ZHX3: variants seen among roughly 807,000 people sequenced by gnomAD.
ZHX3 encodes the protein zinc fingers and homeoboxes 3.
Under a neutral mutation model 64.5 loss-of-function variants are expected in ZHX3, and 20 were observed. The ratio of observed to expected loss-of-function variants is 0.31; its 90% CI spans 0.22 to 0.45. ZHX3 has a LOEUF of 0.45. Ranked by LOEUF, ZHX3 falls within the 20% of genes least tolerant of loss-of-function variation. ZHX3 has a pLI of 1.00. For missense variants in ZHX3, 1,041 were observed against 1,195.8 expected (o/e 0.87, Z 1.91); for synonymous variants, 423 against 461.6 (o/e 0.92, Z 1.07).
chr20:41,183,171 ATATG>A lies in ZHX3; in HGVS notation c.*2016_*2019del, dbSNP rs1404227537. 8.8e-5 allele frequency: 13 copies of A among 147,194 alleles called. No individual in the cohort carries two copies. Among genetic ancestry groups the A allele is most frequent in the East Asian group, 3.9e-4 (2 of 5,190 alleles). 9.1% of individuals were successfully genotyped at this position (147,194 alleles called of 1,614,324 possible). A position where few individuals can be genotyped will look rare whatever the true frequency, so the allele number is the denominator to read the frequency against. On this transcript the variant is annotated 3_prime_UTR_variant, in exon 4 of 4. Coordinates refer to ENST00000683867, the MANE Select transcript of ZHX3 (RefSeq NM_001384317.1). This position sits in a 1 kb window ranked among gnomAD's most constrained non-coding sequence, Gnocchi z 5.3. ...AGAATCAAATGAGTATTTATACTGT[ATATG>A]TGTGTGTGTATATATATATATATAA...
Position 41,184,947 on chromosome 20 carries a change from A to G in ZHX3, c.*244T>C, listed in dbSNP as rs1198902181. 1.2e-5 allele frequency: 19 copies of G among 1,544,762 alleles called. No individual in the cohort carries two copies. The highest frequency in any genetic ancestry group is 1.7e-5 in the Non-Finnish European group (19 of 1,146,932). ...TATTTTATCCATTGGAAGGTAAAGG[A>G]AAGGTCCTACATTGTGGGAGGAAGA... On this transcript the variant is annotated 3_prime_UTR_variant, in exon 4 of 4. Coordinates refer to ENST00000683867, the MANE Select transcript of ZHX3 (RefSeq NM_001384317.1).
rs142530925 is a variant in ZHX3, at chr20:41,303,085, C to T, written c.-245+14424G>A. Among the ~76,000 whole-genome samples, 1,075 of 152,340 alleles carry T rather than the reference C, an allele frequency of 7.1e-3. 8 individuals carry two copies. The highest frequency in any genetic ancestry group is 9.1e-3 in the Non-Finnish European group (617 of 68,030). On this transcript the variant is annotated intron_variant, in intron 1 of 3. Transcript: ENST00000683867. ...CTCATTTGACACACTTTCATCAATA[C>T]TATTGTTATTAACAATTCACAAATG...
rs1304906269 is a variant in ZHX3 at position 41,203,564 on chromosome 20, G to A, written c.1353C>T (p.Pro451=). ...TAATGGGTGCCACACCTGGCTGCTT[G>A]GGGACGGATGTCACCGTGAGGGGGA... is the stretch of plus-strand genomic sequence containing the variant. ...SPLPLTVTSV[P]KQPGVAPINT... is the part of the protein sequence containing the mutation. The change falls in exon 3 of 4, where the codon CCC becomes CCT. Residue 451 remains proline, a synonymous_variant. Coordinates refer to ENST00000683867, the MANE Select transcript of ZHX3 (RefSeq NM_001384317.1). This position sits in a 1 kb window ranked among gnomAD's most constrained non-coding sequence, Gnocchi z 7.1. The A allele has an allele frequency of 1.9e-6, 3 of 1,614,068 alleles. No homozygotes were observed. In the African/African-American group the frequency reaches 4.0e-5, roughly 22 times the overall value.
At chr20:41,246,973 G>A (rs564349401) in intron 2 of ZHX3, among the ~76,000 whole-genome samples, 1 of 152,098 alleles carries the variant, frequency 6.6e-6, no homozygotes, top group East Asian at 1.9e-4. Flanking sequence ...TAAAGAGTAT[G>A]TATATGGCTG....
At chr20:41,253,749 A>T (rs183472399) in intron 2 of ZHX3, among the ~76,000 whole-genome samples, 2 of 152,264 alleles carry the variant, frequency 1.3e-5, no homozygotes, top group African/African-American at 4.8e-5. Flanking sequence ...ATAAACAAAT[A>T]ATTACCTCTA....
At chr20:41,198,372 G>GAAACTTGAAGCCATAA (rs2037939786) in intron 3 of ZHX3, among the ~76,000 whole-genome samples, 2 of 152,032 alleles carry the variant, frequency 1.3e-5, no homozygotes, top group Non-Finnish European at 2.9e-5. Flanking sequence ...AGCATTTCTG[G>GAAACTTGAAGCCATAA]TAGGGCATGT....
intron 2 of ZHX3, among the ~76,000 whole-genome samples, chr20:41,265,698 G>A (rs1360055960): frequency 6.6e-6 from 1 of 152,082 alleles, no homozygotes; most frequent in Non-Finnish European, 1.5e-5. Context: ...AGCTTCTGAG[G>A]TGATTTTAAT....
At chr20:41,231,181 G>A (rs2040580133) in intron 2 of ZHX3, among the ~76,000 whole-genome samples, 1 of 152,068 alleles carries the variant, frequency 6.6e-6, no homozygotes, top group African/African-American at 2.4e-5. Context: ...TCCCCCCATT[G>A]CTTTTTATTT....
rs8121587 is a variant in ZHX3 at position 41,286,303 on chromosome 20, T to C, written c.-244-17220A>G. On this transcript the variant is annotated intron_variant, in intron 1 of 3. Coordinates refer to ENST00000683867, the MANE Select transcript of ZHX3 (RefSeq NM_001384317.1). The stretch of plus-strand genomic sequence containing the variant: ...GTCAGTGAATGATAAACTTCAGTCT[T>C]TGAAAAAAGCCATTTCACTCACACT... Among the ~76,000 whole-genome samples, 818 of 152,304 alleles carry C rather than the reference T, an allele frequency of 5.4e-3. 7 individuals are homozygous for C. Among genetic ancestry groups the C allele is most frequent in the African/African-American group, 0.019 (783 of 41,564 alleles).
intron 1 of ZHX3, among the ~76,000 whole-genome samples, chr20:41,289,982 A>G (rs2044146931): frequency 1.3e-5 from 2 of 152,240 alleles, no homozygotes; most frequent in South Asian, 4.1e-4. Context: ...CAACATTAAA[A>G]TAAGAGGCTT....
In ZHX3 at chr20:41,204,463, C is replaced by T; in HGVS notation, c.454G>A (p.Glu152Lys). ...VAKPDNHVVV[E>K]QSIPESTSTP... Reference sequence around the variant, plus strand: ...CTGGTGCTCTCAGGGATGCTCTGCTCCACAACCACATGATTGTCTGGCTTG... The same window carrying T: ...CTGGTGCTCTCAGGGATGCTCTGCTTCACAACCACATGATTGTCTGGCTTG... The change falls in exon 3 of 4, where the codon GAG (glutamate) becomes AAG (lysine). Residue 152 changes from glutamate to lysine, a missense_variant. Glu to Lys is a moderately conservative substitution (Grantham distance 56, BLOSUM62 1). Transcript: ENST00000683867. This position sits in a 1 kb window ranked among gnomAD's most constrained non-coding sequence, Gnocchi z 6.6. 4 of 1,614,218 alleles carry T rather than the reference C, an allele frequency of 2.5e-6. No individual in the cohort carries two copies.
At position 41,202,131 on chromosome 20, in the gene ZHX3, G is replaced by A. The variant is rs747742829; in HGVS notation, c.2786C>T (p.Ser929Leu). The A allele has an allele frequency of 1.4e-5, 22 of 1,614,058 alleles. No homozygotes were observed. The highest frequency in any genetic ancestry group is 1.7e-5 in the Admixed American group (1 of 60,030). Residue 929 changes from serine (S) to leucine (L), a missense_variant, in exon 3 of 4, where the codon TCG becomes TTG. Coordinates refer to ENST00000683867, the MANE Select transcript of ZHX3 (RefSeq NM_001384317.1). The surrounding 1 kb of genome is among the most constrained non-coding windows in gnomAD (Gnocchi z 7.0). Reference protein sequence around the residue: ...TYSEVSENSESWEPRVPEASS... With the variant: ...TYSEVSENSELWEPRVPEASS... Reference sequence around the variant, plus strand: ...GGCCTCAGGGACACGGGGCTCCCACGACTCACTGTTCTCAGACACCTCTGA... The same window carrying A: ...GGCCTCAGGGACACGGGGCTCCCACAACTCACTGTTCTCAGACACCTCTGA...
At position 41,212,068 on chromosome 20, in the gene ZHX3, T is replaced by C. The variant is rs1160182480; in HGVS notation, c.-150-7002A>G. On this transcript the variant is annotated intron_variant, in intron 2 of 3. Transcript: ENST00000683867. This position sits in a 1 kb window ranked among gnomAD's most constrained non-coding sequence, Gnocchi z 4.3. Reference sequence around the variant, plus strand: ...ATTGGATGTCATCAAAATTAAAAACTTGCATTCTTCAAAGGTCACCATCAA... The same window carrying C: ...ATTGGATGTCATCAAAATTAAAAACCTGCATTCTTCAAAGGTCACCATCAA... Among the ~76,000 whole-genome samples the C allele has an allele frequency of 6.6e-6, 1 of 152,090 alleles. No individual in the cohort carries two copies. Among genetic ancestry groups the C allele is most frequent in the African/African-American group, 2.4e-5 (1 of 41,404 alleles).
chr20:41,203,553 C>G lies in ZHX3; in HGVS notation c.1364G>C (p.Gly455Ala). 6.2e-7 allele frequency: 1 copy of G among 1,614,134 alleles called. No homozygotes were observed. The highest frequency in any genetic ancestry group is 8.5e-7 in the Non-Finnish European group (1 of 1,179,998). ...LTVTSVPKQPGVAPINTVCSN... is the reference protein window; with the variant it reads ...LTVTSVPKQPAVAPINTVCSN... Reference sequence around the variant, plus strand: ...ACACACAGTGTTAATGGGTGCCACACCTGGCTGCTTGGGGACGGATGTCAC... The same window carrying G: ...ACACACAGTGTTAATGGGTGCCACAGCTGGCTGCTTGGGGACGGATGTCAC... The change falls in exon 3 of 4, where the codon GGT (glycine) becomes GCT (alanine). Residue 455 changes from glycine (G) to alanine (A), a missense_variant. By Grantham distance (60) the Gly-to-Ala change is moderately conservative. Transcript: ENST00000683867. This position sits in a 1 kb window ranked among gnomAD's most constrained non-coding sequence, Gnocchi z 7.1.
rs1286269692 is a variant in ZHX3 at position 41,232,573 on chromosome 20, C to T, written c.-150-27507G>A. Among the ~76,000 whole-genome samples, 1 of 152,134 alleles carries T rather than the reference C, an allele frequency of 6.6e-6. No homozygotes were observed. On this transcript the variant is annotated intron_variant, in intron 2 of 3. Coordinates refer to ENST00000683867, the MANE Select transcript of ZHX3 (RefSeq NM_001384317.1). This position sits in a 1 kb window ranked among gnomAD's most constrained non-coding sequence, Gnocchi z 5.0. ...ACACAGCACCCTCTGGTGTACATAG[C>T]TGTCTTCTAATCTAGGAAAATTCTT... is the stretch of plus-strand genomic sequence containing the variant.
At chr20:41,314,162 C>T (rs919159141) in intron 1 of ZHX3, among the ~76,000 whole-genome samples, 2 of 152,096 alleles carry the variant, frequency 1.3e-5, no homozygotes, top group Non-Finnish European at 2.9e-5. Flanking sequence ...AATTCTACCC[C>T]AAGATACAAT....
chr20:41,248,482 T>C (rs1298122565), intron 2 of ZHX3, among the ~76,000 whole-genome samples: 1 of 152,202 alleles, frequency 6.6e-6, no homozygotes, highest in East Asian at 1.9e-4. Flanking sequence ...AGAGGATACA[T>C]GCTATACAAC....
intron 1 of ZHX3, among the ~76,000 whole-genome samples, chr20:41,282,678 C>T (rs1297225958): frequency 3.3e-5 from 5 of 152,114 alleles, no homozygotes; most frequent in Admixed American, 2.6e-4. Context: ...CTTTCGATGC[C>T]TCTAATGAAG....
chr20:41,291,693 A>C (rs1443569373), intron 1 of ZHX3, among the ~76,000 whole-genome samples: 2 of 152,090 alleles, frequency 1.3e-5, no homozygotes, highest in African/African-American at 2.4e-5. Context: ...CACAGATATA[A>C]GTTTATATAT....
Sources: gnomAD v4.1 joint callset for allele counts (sites outside exome capture counted in the v4.1 genomes callset) on GRCh38, gnomAD v4.1.1 for gene constraint, Gnocchi (gnomAD v3.1) non-coding constraint, MANE v1.5 for transcripts, NCBI Gene and HGNC (gene_info 2026-07-23, HGNC 2026-07-21) for gene names.